Variants in ZHX2 observed in about 807,000 individuals in gnomAD.
ZHX2 encodes the protein zinc fingers and homeoboxes 2.
ZHX2 carries 6 observed loss-of-function variants against 21.9 expected under a neutral mutation model. The observed-to-expected ratio is 0.27, with a 90% CI of 0.15 to 0.54. The LOEUF (loss-of-function observed/expected upper bound fraction) is 0.54. Ranked by LOEUF, ZHX2 falls within the 20% of genes least tolerant of loss-of-function variation. The probability of loss-of-function intolerance (pLI) is 0.95; values close to 1 mark genes in which losing one functional copy is unlikely to be tolerated. For synonymous variants in ZHX2, 434 were observed against 437.1 expected (o/e 0.99, Z 0.09); for missense variants, 908 against 1,090.7 (o/e 0.83, Z 2.36).
At chr8:122,804,719 C>T (rs917815414) in intron 1 of ZHX2, among the ~76,000 whole-genome samples, 3 of 152,188 alleles carry the variant, frequency 2.0e-5, no homozygotes, top group African/African-American at 7.2e-5. Flanking sequence ...TCATCACAAC[C>T]CTGCACCATT....
chr8:122,810,719 G>A (rs2130605026), intron 1 of ZHX2: 1 of 152,236 alleles, frequency 6.6e-6, no homozygotes, highest in Admixed American at 6.5e-5. Context: ...TCACTGCAGA[G>A]TCGTGCCCAT....
At chr8:122,827,975 A>G (rs1436353935) in intron 1 of ZHX2, among the ~76,000 whole-genome samples, 2 of 152,170 alleles carry the variant, frequency 1.3e-5, no homozygotes, top group African/African-American at 2.4e-5. Flanking sequence ...TTAGTTGGAC[A>G]TGTTGGTGCA....
At chr8:122,886,881 C>G (rs1175441527) in intron 2 of ZHX2, among the ~76,000 whole-genome samples, 1 of 152,180 alleles carries the variant, frequency 6.6e-6, no homozygotes, top group Non-Finnish European at 1.5e-5. Flanking sequence ...TTGGTCCACA[C>G]CACTGCCCTA....
At chr8:122,912,799 G>A (rs980345955) in intron 2 of ZHX2, among the ~76,000 whole-genome samples, 3 of 152,182 alleles carry the variant, frequency 2.0e-5, no homozygotes, top group Admixed American at 1.3e-4. Flanking sequence ...AAAGCAAAGG[G>A]TTCTTTGCTG....
At chr8:122,922,133 A>C (rs567802213) in intron 2 of ZHX2, among the ~76,000 whole-genome samples, 8 of 152,078 alleles carry the variant, frequency 5.3e-5, no homozygotes, top group Non-Finnish European at 1.0e-4. Context: ...TGGGTGCTGA[A>C]GTTTTAGAAC....
intron 2 of ZHX2, among the ~76,000 whole-genome samples, chr8:122,915,420 ATGGACAG>A (rs1296818874): frequency 1.3e-5 from 2 of 152,186 alleles, no homozygotes; most frequent in Non-Finnish European, 2.9e-5. Context: ...CACAACCCCA[ATGGACAG>A]TGTGTTCCCT....
At chr8:122,839,669 T>C (rs1276777349) in intron 1 of ZHX2, among the ~76,000 whole-genome samples, 1 of 152,190 alleles carries the variant, frequency 6.6e-6, no homozygotes, top group African/African-American at 2.4e-5. Context: ...CAGAAATCAC[T>C]GCAAGTTGTA....
intron 2 of ZHX2, among the ~76,000 whole-genome samples, chr8:122,884,335 C>T (rs4871322): frequency 0.55 from 83,478 of 152,050 alleles, 23,147 homozygotes; most frequent in South Asian, 0.67. Flanking sequence ...ACTGATAAAG[C>T]TGGGCACAAG....
chr8:122,918,669 G>A lies in ZHX2; in HGVS notation c.-219-32623G>A, dbSNP rs181235289. ...TCTCAATAAAACTTTCTTTACGTCCGGGCGCGGTGGCTCACACCTGTAATC... is the reference window on the plus strand; with the variant it reads ...TCTCAATAAAACTTTCTTTACGTCCAGGCGCGGTGGCTCACACCTGTAATC... On this transcript the variant is annotated intron_variant, in intron 2 of 3. Coordinates refer to ENST00000314393, the MANE Select transcript of ZHX2 (RefSeq NM_014943.5). Among the ~76,000 whole-genome samples the A allele has an allele frequency of 1.7e-3, 264 of 152,212 alleles. 1 individual carries two copies. Among genetic ancestry groups the A allele is most frequent in the South Asian group, 6.0e-3 (29 of 4,820 alleles).
At chr8:122,880,810 C>T (rs1327018877) in intron 2 of ZHX2, among the ~76,000 whole-genome samples, 1 of 150,408 alleles carries the variant, frequency 6.6e-6, no homozygotes, top group African/African-American at 2.4e-5. Context: ...GAGAGATGCT[C>T]ATGAGTGAGA....
At chr8:122,804,686 A>C (rs1817790002) in intron 1 of ZHX2, among the ~76,000 whole-genome samples, 1 of 152,176 alleles carries the variant, frequency 6.6e-6, no homozygotes, top group Admixed American at 6.5e-5. Context: ...GAGGTGTTTT[A>C]CTTGCATTTT....
At chr8:122,864,303 G>A (rs1159108796) in intron 2 of ZHX2, among the ~76,000 whole-genome samples, 1 of 151,682 alleles carries the variant, frequency 6.6e-6, no homozygotes, top group Non-Finnish European at 1.5e-5. Flanking sequence ...CTCCGTTTTA[G>A]GTGCAGGTTC....
At chr8:122,853,133 C>T (rs1024921899) in intron 1 of ZHX2, among the ~76,000 whole-genome samples, 3 of 152,186 alleles carry the variant, frequency 2.0e-5, no homozygotes, top group Non-Finnish European at 4.4e-5. Context: ...TTGTACTTTA[C>T]TGATTTTAAC....
chr8:122,833,716 GC>G (rs1243016695), intron 1 of ZHX2, among the ~76,000 whole-genome samples: 1 of 152,196 alleles, frequency 6.6e-6, no homozygotes, highest in Non-Finnish European at 1.5e-5. Flanking sequence ...GAGTGAGCGG[GC>G]CGGGCGCGGT....
intron 1 of ZHX2, among the ~76,000 whole-genome samples, chr8:122,798,441 G>C (rs1817655388): frequency 6.6e-6 from 1 of 152,060 alleles, no homozygotes; most frequent in Non-Finnish European, 1.5e-5. Flanking sequence ...AGGGAATGGT[G>C]GTGCGTTGGA....
At chr8:122,933,549 C>CTGGG (rs1161297987) in intron 2 of ZHX2, among the ~76,000 whole-genome samples, 1 of 151,920 alleles carries the variant, frequency 6.6e-6, no homozygotes, top group Non-Finnish European at 1.5e-5. Context: ...CGATTCTTTC[C>CTGGG]ACACGGAGAA....
intron 2 of ZHX2, among the ~76,000 whole-genome samples, chr8:122,902,772 A>G (rs3935291): frequency 0.66 from 100,781 of 152,142 alleles, 34,663 homozygotes; most frequent in African/African-American, 0.86. Context: ...ATAATGTTTA[A>G]TTATTGTTAT....
chr8:122,953,425 C>T lies in ZHX2; in HGVS notation c.1915C>T (p.Gln639Ter). The change falls in exon 3 of 4, where the codon CAG becomes TAG. Residue 639 changes from glutamine (Q) to a stop codon, truncating the protein, a stop_gained. Coordinates refer to ENST00000314393, the MANE Select transcript of ZHX2 (RefSeq NM_014943.5). LOFTEE classifies it low-confidence loss of function (END_TRUNC). This position sits in a 1 kb window ranked among gnomAD's most constrained non-coding sequence, Gnocchi z 4.6. ...GCCAGCAATTGCAAAAAGTCAAGAA[C>T]AGGTTCATCTCCTGAGGAGCACGTT... ...PSPAIAKSQE[Q>*]VHLLRSTFAR... 1 of 1,614,216 alleles carries T rather than the reference C, an allele frequency of 6.2e-7. No individual in the cohort carries two copies. The highest frequency in any genetic ancestry group is 8.5e-7 in the Non-Finnish European group (1 of 1,180,040).
intron 3 of ZHX2, among the ~76,000 whole-genome samples, chr8:122,961,874 T>TATGG (rs1813459236): frequency 1.3e-5 from 2 of 152,208 alleles, no homozygotes; most frequent in Non-Finnish European, 2.9e-5. Context: ...TTAGTACCAA[T>TATGG]AGATACTGCA....
Sources: allele counts gnomAD v4.1 joint callset (sites outside exome capture counted in the v4.1 genomes callset), GRCh38; gene constraint gnomAD v4.1.1; non-coding constraint Gnocchi (gnomAD v3.1); transcripts MANE v1.5; gene names NCBI Gene and HGNC (gene_info 2026-07-23, HGNC 2026-07-21).